The following BICC1 variants were observed in gnomAD, a reference collection of about 807,000 sequenced individuals.
BICC1 encodes BicC family RNA binding protein 1, also known as protein bicaudal C homolog 1.
In BICC1, 43 loss-of-function variants were observed where a neutral mutation model predicts 111.0. That is an observed-to-expected ratio of 0.39 (90% CI 0.30 to 0.50). The LOEUF (loss-of-function observed/expected upper bound fraction) is 0.50, where lower values mean the gene tolerates loss of function less well. BICC1 is among the 20% of genes least tolerant of loss of function. The probability of loss-of-function intolerance (pLI) is 0.88; values close to 1 mark genes in which losing one functional copy is unlikely to be tolerated. For synonymous variants in BICC1, 467 were observed against 434.4 expected (o/e 1.07, Z -0.93); for missense variants, 1,091 against 1,203.2 (o/e 0.91, Z 1.38).
chr10:58,801,734 C>T (rs2132875325), intron 14 of BICC1, among the ~76,000 whole-genome samples: 2 of 152,124 alleles, frequency 1.3e-5, no homozygotes, highest in Middle Eastern at 3.4e-3. Context: ...CAAAGATTAG[C>T]GTACATGGTT....
rs1385104345 is a variant in BICC1, at chr10:58,769,425, T to TATAA, written c.308-15575_308-15574insTAAA. On this transcript the variant is annotated intron_variant, in intron 3 of 20. Coordinates refer to ENST00000373886, the MANE Select transcript of BICC1 (RefSeq NM_001080512.3). ...GTGTGTATATATATATATATATATA[T>TATAA]AATCACAGTATATATCTTTAATAGA... Among the ~76,000 whole-genome samples the TATAA allele has an allele frequency of 2.2e-3, 313 of 145,036 alleles. 5 individuals carry two copies. The highest frequency in any genetic ancestry group is 7.3e-3 in the African/African-American group (294 of 40,148).
intron 18 of BICC1, among the ~76,000 whole-genome samples, chr10:58,817,211 A>T (rs1385393133): frequency 6.6e-6 from 1 of 152,062 alleles, no homozygotes; most frequent in African/African-American, 2.4e-5. Context: ...TGTCCCAGGG[A>T]TCCTTTTTAC....
In BICC1 at chr10:58,574,458, T is replaced by A. The variant is rs142936947; in HGVS notation, c.191-46397T>A. 5.6e-3 allele frequency among the ~76,000 whole-genome samples: 857 copies of A among 152,262 alleles called. 7 individuals carry two copies. Among genetic ancestry groups the A allele is most frequent in the African/African-American group, 0.02 (817 of 41,560 alleles). On this transcript the variant is annotated intron_variant, in intron 1 of 20. Coordinates refer to ENST00000373886, the MANE Select transcript of BICC1 (RefSeq NM_001080512.3). ...CAGTGTGATAAACTTTTCCTTCCCA[T>A]AAAATATACATGTATTGATATGTTA...
At chr10:58,765,821 T>A (rs1842441648) in intron 3 of BICC1, among the ~76,000 whole-genome samples, 1 of 152,194 alleles carries the variant, frequency 6.6e-6, no homozygotes, top group African/African-American at 2.4e-5. Context: ...GCCAATTTCA[T>A]TTTTCCTCTT....
chr10:58,580,444 G>A (rs1339729615), intron 1 of BICC1, among the ~76,000 whole-genome samples: 1 of 152,126 alleles, frequency 6.6e-6, no homozygotes, highest in Non-Finnish European at 1.5e-5. Context: ...ATGTTCATTG[G>A]AGCATTTCAG....
chr10:58,568,426 A>G (rs1246720085), intron 1 of BICC1, among the ~76,000 whole-genome samples: 1 of 152,118 alleles, frequency 6.6e-6, no homozygotes, highest in Non-Finnish European at 1.5e-5. Flanking sequence ...CCTGGGTCAC[A>G]TTTGTTCCAA....
intron 2 of BICC1, among the ~76,000 whole-genome samples, chr10:58,657,839 T>C (rs1247923391): frequency 6.6e-6 from 1 of 152,194 alleles, no homozygotes; most frequent in East Asian, 1.9e-4. Context: ...ATATTACATA[T>C]TATTACAATG....
intron 1 of BICC1, among the ~76,000 whole-genome samples, chr10:58,606,093 T>C (rs1296041982): frequency 6.6e-6 from 1 of 152,184 alleles, no homozygotes; most frequent in Non-Finnish European, 1.5e-5. Context: ...TTGAGGCCTG[T>C]TGGCCTGCTT....
At chr10:58,596,397 C>T (rs890284200) in intron 1 of BICC1, among the ~76,000 whole-genome samples, 1 of 152,008 alleles carries the variant, frequency 6.6e-6, no homozygotes, top group African/African-American at 2.4e-5. Flanking sequence ...AACTGAGTAC[C>T]CATGGAATGT....
intron 2 of BICC1, among the ~76,000 whole-genome samples, chr10:58,686,954 T>G (rs556425623): frequency 2.6e-5 from 4 of 152,356 alleles, no homozygotes; most frequent in Admixed American, 2.0e-4. Context: ...GGCGCTCTGA[T>G]TTTTAGAATT....
intron 3 of BICC1, among the ~76,000 whole-genome samples, chr10:58,737,658 C>A (rs1841516058): frequency 6.6e-6 from 1 of 152,094 alleles, no homozygotes; most frequent in Non-Finnish European, 1.5e-5. Flanking sequence ...GTTCTAGATC[C>A]CTGAGGAATC....
Position 58,741,420 on chromosome 10 carries a change from G to A in BICC1, c.307+39277G>A, listed in dbSNP as rs142223199. ...AAATATTAATACATTTCTCAAATAAGGATACTGTAGTCCAAGAAGTTTGGG... is the reference window on the plus strand; with the variant it reads ...AAATATTAATACATTTCTCAAATAAAGATACTGTAGTCCAAGAAGTTTGGG... On this transcript the variant is annotated intron_variant, in intron 3 of 20. Transcript: ENST00000373886. Among the ~76,000 whole-genome samples, 4 of 152,196 alleles carry A rather than the reference G, an allele frequency of 2.6e-5. No homozygotes were observed. In the East Asian group the frequency reaches 7.7e-4, roughly 29 times the overall value.
At chr10:58,595,488 A>G (rs1365109213) in intron 1 of BICC1, among the ~76,000 whole-genome samples, 2 of 152,214 alleles carry the variant, frequency 1.3e-5, no homozygotes, top group Non-Finnish European at 2.9e-5. Context: ...CAGCAAATGC[A>G]AAAGAATGGA....
chr10:58,576,098 G>A (rs1415161513), intron 1 of BICC1, among the ~76,000 whole-genome samples: 1 of 152,272 alleles, frequency 6.6e-6, no homozygotes, highest in South Asian at 2.1e-4. Flanking sequence ...TTGGCAGAGT[G>A]TCACCTAGCC....
intron 2 of BICC1, among the ~76,000 whole-genome samples, chr10:58,649,812 A>C (rs147395874): frequency 6.6e-6 from 1 of 151,258 alleles, no homozygotes; most frequent in East Asian, 2.0e-4. Context: ...GTTCTTTTGC[A>C]TGTATAGGAA....
chr10:58,618,509 C>T (rs948191076), intron 1 of BICC1, among the ~76,000 whole-genome samples: 1 of 152,194 alleles, frequency 6.6e-6, no homozygotes, highest in Non-Finnish European at 1.5e-5. Context: ...ACCCACAGTT[C>T]ACGCCCAGGC....
chr10:58,688,229 C>T (rs1390675028), intron 2 of BICC1, among the ~76,000 whole-genome samples: 1 of 152,038 alleles, frequency 6.6e-6, no homozygotes, highest in Non-Finnish European at 1.5e-5. Flanking sequence ...GCTCGGGTGG[C>T]CAGCTTTAAT....
At chr10:58,792,199 A>C (rs1431241572) in intron 8 of BICC1, among the ~76,000 whole-genome samples, 11 of 152,142 alleles carry the variant, frequency 7.2e-5, no homozygotes, top group Admixed American at 7.2e-4. Flanking sequence ...GCATCAGAGA[A>C]AGTATATTAC....
rs387907123 is a variant in BICC1, at chr10:58,702,095, C to A, written c.259C>A (p.Gln87Lys). Reference sequence around the variant, plus strand: ...ACAGATCATGGAGGAAACAAATACGCAGATTGCTTGGCCATCAAAACTGAA... The same window carrying A: ...ACAGATCATGGAGGAAACAAATACGAAGATTGCTTGGCCATCAAAACTGAA... Reference protein sequence around the residue: ...FQKIMEETNTQIAWPSKLKIG... With the variant: ...FQKIMEETNTKIAWPSKLKIG... The change falls in exon 3 of 21, where the codon CAG (glutamine) becomes AAG (lysine). Residue 87 changes from glutamine to lysine, a missense_variant. Physicochemically the swap from Gln to Lys is moderately conservative, Grantham distance 53. Around this residue, in one of 3 missense-constraint regions of BICC1, gnomAD observed 843 missense variants for 900.8 expected, o/e 0.94. Coordinates refer to ENST00000373886, the MANE Select transcript of BICC1 (RefSeq NM_001080512.3). 6.2e-7 allele frequency: 1 copy of A among 1,613,114 alleles called. No individual in the cohort carries two copies. The highest frequency in any genetic ancestry group is 1.1e-5 in the South Asian group (1 of 90,974).
Sources: allele counts gnomAD v4.1 joint callset (sites outside exome capture counted in the v4.1 genomes callset), GRCh38; gene constraint gnomAD v4.1.1; regional missense constraint gnomAD v4.1.1; transcripts MANE v1.5; gene names NCBI Gene and HGNC (gene_info 2026-07-23, HGNC 2026-07-21).